GLDN: variants seen among roughly 807,000 people sequenced by gnomAD.
GLDN encodes gliomedin, also known as collomin.
In GLDN, 47 loss-of-function variants were observed where a neutral mutation model predicts 56.5. The ratio of observed to expected loss-of-function variants is 0.83; its 90% CI spans 0.66 to 1.06. GLDN has a LOEUF of 1.06. Among genes scored for constraint, GLDN ranks in the 50% least tolerant of loss-of-function variants. GLDN has a pLI of 0.00. For missense variants in GLDN, 782 were observed against 714.3 expected, an observed-to-expected ratio of 1.09 and a Z score of -1.08; for synonymous variants, 332 against 278.8, an observed-to-expected ratio of 1.19 and a Z score of -1.90.
chr15:51,364,998 C>T (rs1208992455), intron 1 of GLDN, among the ~76,000 whole-genome samples: 1 of 152,122 alleles, frequency 6.6e-6, no homozygotes, highest in East Asian at 1.9e-4. Context: ...GAATTCAAAG[C>T]ACAAAAACAA....
intron 4 of GLDN, among the ~76,000 whole-genome samples, chr15:51,391,883 T>C (rs1382625542): frequency 6.6e-6 from 1 of 152,234 alleles, no homozygotes; most frequent in Non-Finnish European, 1.5e-5. Flanking sequence ...TTACCACTGG[T>C]AGTGGTGAGG....
intron 1 of GLDN, among the ~76,000 whole-genome samples, chr15:51,363,565 C>G (rs12595284): frequency 0.43 from 65,554 of 152,034 alleles, 14,609 homozygotes; most frequent in East Asian, 0.57. Flanking sequence ...TGCTGAGGAA[C>G]AACAAGAAAG....
intron 4 of GLDN, among the ~76,000 whole-genome samples, chr15:51,393,740 C>G (rs1344577907): frequency 6.6e-6 from 1 of 152,172 alleles, no homozygotes; most frequent in Non-Finnish European, 1.5e-5. Context: ...GAACTACCTC[C>G]CAGCAGTGAA....
chr15:51,405,215 G>GA lies in GLDN; in HGVS notation c.*467dup, dbSNP rs1414813361. ...AGTGCTGACTTATATCTTGTTCTTT[G>GA]AAAAAATGCATTGACTCTTTAAGAC... On this transcript the variant is annotated 3_prime_UTR_variant, in exon 10 of 10. Transcript: ENST00000335449. The GA allele has an allele frequency of 6.3e-6, 1 of 159,516 alleles. No homozygotes were observed. The highest frequency in any genetic ancestry group is 1.4e-5 in the Non-Finnish European group (1 of 72,292). 9.9% of individuals were successfully genotyped at this position (159,516 alleles called of 1,614,324 possible). A position where few individuals can be genotyped will look rare whatever the true frequency, so the allele number is the denominator to read the frequency against.
chr15:51,384,019 C>G, intron 4 of GLDN, 127 bp downstream of exon 4: 1 of 774,902 alleles, frequency 1.3e-6, no homozygotes, highest in Non-Finnish European at 2.3e-6. Flanking sequence ...GCCGGTTTAA[C>G]TCTTACCTAG....
rs762622946 is a variant in GLDN at position 51,401,636 on chromosome 15, T to C, written c.1071T>C (p.Asn357=). 3.7e-6 allele frequency: 6 copies of C among 1,614,090 alleles called. No homozygotes were observed. The South Asian group carries it at 5.5e-5, about 15-fold the overall frequency. Reference sequence around the variant, plus strand: ...TCAAGGATCAGCCCTCACTTCTGAATGGCAGTTACACGTTCATCCACCTTC... The same window carrying C: ...TCAAGGATCAGCCCTCACTTCTGAACGGCAGTTACACGTTCATCCACCTTC... ...KEFKDQPSLL[N]GSYTFIHLPY... The change falls in exon 9 of 10, where the codon AAT becomes AAC. Residue 357 remains asparagine (N), a synonymous_variant. Transcript: ENST00000335449.
intron 2 of GLDN, among the ~76,000 whole-genome samples, chr15:51,382,637 A>T (rs2037789618): frequency 6.6e-6 from 1 of 151,382 alleles, no homozygotes; most frequent in African/African-American, 2.4e-5. Context: ...GAGGCAGGAG[A>T]ATGGCATGAA....
intron 2 of GLDN, among the ~76,000 whole-genome samples, chr15:51,381,074 G>A (rs1053072155): frequency 6.6e-6 from 1 of 152,190 alleles, no homozygotes; most frequent in African/African-American, 2.4e-5. Flanking sequence ...GGATTCATAT[G>A]AGAGGAACTC....
At chr15:51,380,165 C>G (rs79370236) in intron 2 of GLDN, among the ~76,000 whole-genome samples, 14,804 of 152,136 alleles carry the variant, frequency 0.097, 1,435 homozygotes, top group African/African-American at 0.24. Flanking sequence ...CCCCACCAAG[C>G]CCCCTGTGCA....
At chr15:51,397,268 C>T (rs2038149987) in intron 5 of GLDN, among the ~76,000 whole-genome samples, 1 of 152,154 alleles carries the variant, frequency 6.6e-6, no homozygotes, top group African/African-American at 2.4e-5. Context: ...GAGACCTTAG[C>T]TGACTACTCT....
chr15:51,353,819 C>T (rs973302636), intron 1 of GLDN, among the ~76,000 whole-genome samples: 1 of 147,948 alleles, frequency 6.8e-6, no homozygotes, highest in Non-Finnish European at 1.5e-5. Context: ...CCACCACACA[C>T]AAAAAAGAAA....
In GLDN at chr15:51,341,924, C is replaced by T; in HGVS notation, c.240C>T (p.Ser80=). 1 of 1,595,762 alleles carries T rather than the reference C, an allele frequency of 6.3e-7. No homozygotes were observed. Among genetic ancestry groups the T allele is most frequent in the Admixed American group, 1.7e-5 (1 of 59,886 alleles). Residue 80 remains serine (S), a synonymous_variant, in exon 1 of 10, where the codon TCC becomes TCT. Transcript: ENST00000335449. ...AELSRAPRGA[S]APPQDPASSA... is the part of the protein sequence containing the mutation. ...TGAGCCGCGCGCCGCGCGGGGCGTC[C>T]GCACCACCCCAAGACCCGGCCAGCT...
chr15:51,376,267 T>G (rs1228660076), intron 1 of GLDN, among the ~76,000 whole-genome samples: 3 of 152,246 alleles, frequency 2.0e-5, no homozygotes, highest in Non-Finnish European at 4.4e-5. Flanking sequence ...CTGTACAACA[T>G]GTTACAGTAC....
intron 1 of GLDN, among the ~76,000 whole-genome samples, chr15:51,365,351 A>T (rs1566939392): frequency 1.3e-5 from 2 of 151,898 alleles, no homozygotes; most frequent in Non-Finnish European, 2.9e-5. Context: ...TTATATAGGA[A>T]AGTTATTAAT....
chr15:51,377,195 C>A, intron 1 of GLDN: 1 of 529,868 alleles, frequency 1.9e-6, no homozygotes, highest in Non-Finnish European at 3.4e-6. Context: ...ATGCATTGCA[C>A]CAAGACACTA....
In GLDN at chr15:51,404,788, G is replaced by T. The variant is rs551101379; in HGVS notation, c.*34G>T. 8.0e-5 allele frequency: 86 copies of T among 1,080,006 alleles called. 1 individual carries two copies. The highest frequency in any genetic ancestry group is 2.0e-4 in the Middle Eastern group (1 of 4,906). 66.9% of individuals were successfully genotyped at this position (1,080,006 alleles called of 1,614,324 possible). A position where few individuals can be genotyped will look rare whatever the true frequency, so the allele number is the denominator to read the frequency against. The stretch of plus-strand genomic sequence containing the variant: ...ATTCGGCTCCCTTCAGCAAATTTCA[G>T]GGGTTTTCTGGGACCAGTTCTCCCC... On this transcript the variant is annotated 3_prime_UTR_variant, in exon 10 of 10. Coordinates refer to ENST00000335449, the MANE Select transcript of GLDN (RefSeq NM_181789.4).
chr15:51,362,213 G>A (rs1034532374), intron 1 of GLDN, among the ~76,000 whole-genome samples: 1 of 152,150 alleles, frequency 6.6e-6, no homozygotes, highest in Non-Finnish European at 1.5e-5. Context: ...GGCCGGGCAT[G>A]GTGGCTCATG....
chr15:51,408,079 C>CA (rs1481551174), downstream of GLDN: 10 of 152,330 alleles, frequency 6.6e-5, no homozygotes, highest in East Asian at 1.9e-3. Context: ...AAATCCAAAA[C>CA]AATATTGTGG....
Position 51,394,931 on chromosome 15 carries a change from AG to A in GLDN, c.641del (p.Gly214GlufsTer90). 1 of 1,611,632 alleles carries A rather than the reference AG, an allele frequency of 6.2e-7. No individual in the cohort carries two copies. Among genetic ancestry groups the A allele is most frequent in the Non-Finnish European group, 8.5e-7 (1 of 1,178,962 alleles). ...GGAAATGAGGGCCCACCAGGGCAGA[AG>A]GGAGAAAAGGGTGACAAAGGAGATG... ...LQGNEGPPGQ[K>X]GEKGDKGDVS... is the part of the protein sequence containing the mutation. On this transcript the variant is annotated frameshift_variant, in exon 5 of 10. Transcript: ENST00000335449. LOFTEE classifies it high-confidence loss of function.
Sources: allele counts gnomAD v4.1 joint callset (sites outside exome capture counted in the v4.1 genomes callset), GRCh38; gene constraint gnomAD v4.1.1; transcripts MANE v1.5; gene names NCBI Gene and HGNC (gene_info 2026-07-23, HGNC 2026-07-21).